Variants in SAMD12 observed in about 807,000 individuals in gnomAD.
SAMD12 encodes the protein sterile alpha motif domain containing 12.
A neutral mutation model predicts 15.0 loss-of-function variants in SAMD12; 9 were observed. The ratio of observed to expected loss-of-function variants is 0.60; its 90% CI spans 0.36 to 1.05. The LOEUF is 1.05. Among genes scored for constraint, SAMD12 ranks in the 50% least tolerant of loss-of-function variants. The pLI is 0.01. For synonymous variants in SAMD12, 86 were observed against 90.1 expected (o/e 0.96, Z 0.25); for missense variants, 230 against 234.2 (o/e 0.98, Z 0.12).
chr8:118,322,011 T>C (rs185526679), intron 4 of SAMD12, among the ~76,000 whole-genome samples: 207 of 152,290 alleles, frequency 1.4e-3, no homozygotes, highest in African/African-American at 4.6e-3. Context: ...TGTCTTGCAA[T>C]CTGGAAGATT....
At chr8:118,540,187 T>C (rs1291915885) in intron 2 of SAMD12, among the ~76,000 whole-genome samples, 2 of 152,212 alleles carry the variant, frequency 1.3e-5, no homozygotes, top group East Asian at 3.8e-4. Flanking sequence ...CTCAACCTTG[T>C]ATTGTCACTC....
intron 2 of SAMD12, among the ~76,000 whole-genome samples, chr8:118,558,280 A>G (rs917895110): frequency 1.3e-5 from 2 of 152,118 alleles, no homozygotes; most frequent in African/African-American, 4.8e-5. Flanking sequence ...TTTGTTATTC[A>G]TATTTTCTTT....
chr8:118,269,405 T>C (rs1813291372), intron 4 of SAMD12, among the ~76,000 whole-genome samples: 1 of 152,132 alleles, frequency 6.6e-6, no homozygotes, highest in Non-Finnish European at 1.5e-5. Context: ...ATAACCAACA[T>C]GTTTATTTGT....
At chr8:118,620,390 A>G (rs532440511) in intron 1 of SAMD12, among the ~76,000 whole-genome samples, 1 of 128,908 alleles carries the variant, frequency 7.8e-6, no homozygotes, top group Non-Finnish European at 1.6e-5. Flanking sequence ...ACTATCAAGC[A>G]TAACGATGCA....
intron 3 of SAMD12, among the ~76,000 whole-genome samples, chr8:118,397,689 G>T (rs1449800210): frequency 6.6e-6 from 1 of 152,008 alleles, no homozygotes; most frequent in Non-Finnish European, 1.5e-5. Context: ...TGCTGGGCTG[G>T]GTATAACTAT....
intron 4 of SAMD12, among the ~76,000 whole-genome samples, chr8:118,291,646 C>T (rs1429989670): frequency 1.3e-5 from 2 of 151,974 alleles, no homozygotes; most frequent in African/African-American, 2.4e-5. Flanking sequence ...TGAAGCTTCC[C>T]TATTATCATC....
chr8:118,279,594 T>C (rs1322030884), intron 4 of SAMD12, among the ~76,000 whole-genome samples: 1 of 152,270 alleles, frequency 6.6e-6, no homozygotes. Flanking sequence ...TGCTTTGAAC[T>C]GTAGCCAGGA....
At chr8:118,595,293 T>C (rs897642650) in intron 1 of SAMD12, among the ~76,000 whole-genome samples, 7 of 152,198 alleles carry the variant, frequency 4.6e-5, no homozygotes, top group Admixed American at 6.5e-5. Flanking sequence ...AATCAGACAA[T>C]GCTTCTAAAA....
the SAMD12 span, among the ~76,000 whole-genome samples, chr8:118,135,743 A>G: frequency 6.6e-6 from 1 of 151,742 alleles, no homozygotes; most frequent in Non-Finnish European, 1.5e-5. Flanking sequence ...GGGTTTTGCC[A>G]TGTTGCCCAG....
chr8:118,316,319 G>A (rs1475715895), intron 4 of SAMD12, among the ~76,000 whole-genome samples: 1 of 144,564 alleles, frequency 6.9e-6, no homozygotes, highest in African/African-American at 2.7e-5. Flanking sequence ...CGGATCACAA[G>A]GTCAGGAGAT....
At chr8:118,592,071 C>G (rs180821663) in intron 1 of SAMD12, among the ~76,000 whole-genome samples, 49 of 152,272 alleles carry the variant, frequency 3.2e-4, no homozygotes, top group African/African-American at 1.1e-3. Context: ...CCTATAATCA[C>G]AGCACTTTGG....
intron 4 of SAMD12, among the ~76,000 whole-genome samples, chr8:118,217,298 G>A (rs987859385): frequency 2.0e-5 from 3 of 152,146 alleles, no homozygotes; most frequent in East Asian, 1.9e-4. Context: ...CACTGCGCCC[G>A]GGCCTGGTCT....
chr8:118,391,377 G>T (rs1384258554), intron 3 of SAMD12, among the ~76,000 whole-genome samples: 1 of 152,198 alleles, frequency 6.6e-6, no homozygotes, highest in Non-Finnish European at 1.5e-5. Flanking sequence ...GTATGCACTG[G>T]TTTGGGATTC....
At chr8:118,301,578 G>T (rs73320255) in intron 4 of SAMD12, among the ~76,000 whole-genome samples, 3 of 152,122 alleles carry the variant, frequency 2.0e-5, no homozygotes, top group Non-Finnish European at 2.9e-5. Flanking sequence ...CAATCAAGTT[G>T]TACTTCTGTT....
At chr8:118,323,425 T>C (rs776620188) in intron 4 of SAMD12, among the ~76,000 whole-genome samples, 4 of 152,002 alleles carry the variant, frequency 2.6e-5, no homozygotes, top group Non-Finnish European at 5.9e-5. Flanking sequence ...TAATATCTGT[T>C]GAATGAATGC....
At chr8:118,616,932 C>G (rs982234018) in intron 1 of SAMD12, among the ~76,000 whole-genome samples, 2 of 152,200 alleles carry the variant, frequency 1.3e-5, no homozygotes, top group African/African-American at 4.8e-5. Context: ...TTATGAGAAT[C>G]TAATGCCTGA....
intron 2 of SAMD12, among the ~76,000 whole-genome samples, chr8:118,447,883 G>A (rs1822965390): frequency 1.3e-5 from 2 of 150,984 alleles, no homozygotes; most frequent in African/African-American, 4.9e-5. Context: ...CCGCCACCAT[G>A]CGTGGCTAAT....
intron 4 of SAMD12, among the ~76,000 whole-genome samples, chr8:118,216,455 CTTTAG>C (rs1356768490): frequency 1.3e-5 from 2 of 151,938 alleles, no homozygotes; most frequent in African/African-American, 4.8e-5. Context: ...TGCAGAAGCT[CTTTAG>C]TTTAATTAGA....
chr8:118,135,537 TTTC>T, the SAMD12 span, among the ~76,000 whole-genome samples: 2 of 149,966 alleles, frequency 1.3e-5, no homozygotes, highest in East Asian at 2.0e-4. Flanking sequence ...TTGGAGAAAT[TTTC>T]TTCTTCTTTT....
Sources: allele counts gnomAD v4.1 joint callset (sites outside exome capture counted in the v4.1 genomes callset), GRCh38; gene constraint gnomAD v4.1.1; transcripts MANE v1.5; gene names NCBI Gene and HGNC (gene_info 2026-07-23, HGNC 2026-07-21).